UBN2: variants seen among roughly 807,000 people sequenced by gnomAD.
UBN2 encodes ubinuclein 2.
A neutral mutation model predicts 120.2 loss-of-function variants in UBN2; 35 were observed. The observed-to-expected ratio is 0.29, with a 90% CI of 0.22 to 0.39. UBN2 has a LOEUF of 0.39. Among genes scored for constraint, UBN2 ranks in the 10% least tolerant of loss-of-function variants. UBN2 has a pLI of 1.00. For synonymous variants in UBN2, 661 were observed against 648.7 expected, an observed-to-expected ratio of 1.02 and a Z score of -0.29; for missense variants, 1,693 against 1,663.2, an observed-to-expected ratio of 1.02 and a Z score of -0.31.
chr7:139,280,680 C>G (rs1563221108), intron 13 of UBN2, among the ~76,000 whole-genome samples: 1 of 152,184 alleles, frequency 6.6e-6, no homozygotes, highest in African/African-American at 2.4e-5. Context: ...GAGTCTCACT[C>G]TATCACCCAG....
intron 12 of UBN2, 66 bp downstream of exon 12, chr7:139,276,213 T>G: frequency 6.9e-7 from 1 of 1,443,368 alleles, no homozygotes; most frequent in Non-Finnish European, 9.7e-7. Flanking sequence ...AACAAAAGTA[T>G]CATTTATTAA....
At chr7:139,278,791 C>T (rs1388054411) in intron 12 of UBN2, among the ~76,000 whole-genome samples, 1 of 152,100 alleles carries the variant, frequency 6.6e-6, no homozygotes, top group African/African-American at 2.4e-5. Flanking sequence ...AATACTTTGA[C>T]TTACTATGGA....
intron 8 of UBN2, among the ~76,000 whole-genome samples, chr7:139,270,921 T>G (rs923982001): frequency 1.3e-5 from 2 of 152,092 alleles, no homozygotes; most frequent in African/African-American, 4.8e-5. Flanking sequence ...ATTTTGTATT[T>G]TTAGTAGAGA....
intron 15 of UBN2, among the ~76,000 whole-genome samples, chr7:139,292,051 G>A (rs190603093): frequency 6.6e-6 from 1 of 152,206 alleles, no homozygotes; most frequent in East Asian, 1.9e-4. Context: ...AGAAGTTCGA[G>A]CCTAGCCTGG....
intron 1 of UBN2, among the ~76,000 whole-genome samples, chr7:139,234,362 C>T (rs1157154529): frequency 6.6e-6 from 1 of 152,058 alleles, no homozygotes; most frequent in Admixed American, 6.6e-5. Flanking sequence ...TAAATCAGTT[C>T]CCTTCTTAAA....
Position 139,298,986 on chromosome 7 carries a change from C to T in UBN2, c.*1150C>T, listed in dbSNP as rs1053695280. The T allele has an allele frequency of 3.9e-5, 6 of 152,162 alleles. No homozygotes were observed. The East Asian group carries it at 9.6e-4, about 24-fold the overall frequency. The allele number at this position is 152,162 out of a possible 1,614,324, so 9.4% of individuals were successfully genotyped here. The stretch of plus-strand genomic sequence containing the variant: ...TCACAATCACGACATATTTTTACTC[C>T]CTGTATCCAGTGTAGTGAAATTGTT... On this transcript the variant is annotated 3_prime_UTR_variant, in exon 18 of 18. Coordinates refer to ENST00000473989, the MANE Select transcript of UBN2 (RefSeq NM_173569.4).
At chr7:139,330,380 T>C in the UBN2 span, among the ~76,000 whole-genome samples, 1 of 152,252 alleles carries the variant, frequency 6.6e-6, no homozygotes, top group African/African-American at 2.4e-5. Flanking sequence ...CTCCAGATCT[T>C]GTAGAACTGA....
In UBN2 at chr7:139,284,678, C is replaced by T; in HGVS notation, c.3669+104C>T. Reference sequence around the variant, plus strand: ...CTTTTTATGATATGTGGATTGTTCTCAATTGGCTTATTACAGCCTGCAGCC... The same window carrying T: ...CTTTTTATGATATGTGGATTGTTCTTAATTGGCTTATTACAGCCTGCAGCC... On this transcript the variant is annotated intron_variant, in intron 15 of 17. Coordinates refer to ENST00000473989, the MANE Select transcript of UBN2 (RefSeq NM_173569.4). 8.8e-6 allele frequency: 9 copies of T among 1,021,082 alleles called. No individual in the cohort carries two copies. The South Asian group carries it at 1.5e-4, about 18-fold the overall frequency. The allele number at this position is 1,021,082 out of a possible 1,614,324, so 63.3% of individuals were successfully genotyped here.
chr7:139,239,746 A>G (rs1796264906), intron 2 of UBN2, among the ~76,000 whole-genome samples: 1 of 151,956 alleles, frequency 6.6e-6, no homozygotes, highest in South Asian at 2.1e-4. Flanking sequence ...TAGTAGAGAT[A>G]GGGTTTCACC....
intron 3 of UBN2, among the ~76,000 whole-genome samples, chr7:139,252,522 A>AT (rs985977934): frequency 1.3e-5 from 2 of 151,896 alleles, no homozygotes; most frequent in Admixed American, 1.3e-4. Context: ...ATTTCTTTTG[A>AT]TTTTTTTTCC....
At chr7:139,309,942 G>C (rs929822921), downstream of UBN2, among the ~76,000 whole-genome samples, 1 of 152,184 alleles carries the variant, frequency 6.6e-6, no homozygotes, top group Non-Finnish European at 1.5e-5. Flanking sequence ...GGTGGTATCA[G>C]TACTTTTTCT....
intron 6 of UBN2, among the ~76,000 whole-genome samples, chr7:139,265,437 C>T (rs1321372765): frequency 1.3e-5 from 2 of 152,082 alleles, no homozygotes; most frequent in African/African-American, 2.4e-5. Flanking sequence ...GAGATCGCGC[C>T]ACTGCACTCC....
intron 11 of UBN2, among the ~76,000 whole-genome samples, chr7:139,274,963 C>T (rs895692137): frequency 1.3e-5 from 2 of 151,656 alleles, no homozygotes; most frequent in East Asian, 1.9e-4. Context: ...AACAAAGAGT[C>T]GCTCTGTTTA....
rs769687443 is a variant in UBN2, at chr7:139,293,220, G to C, written c.3670-12G>C. ...TATTTCTTATGTATTTTGACCCCTG[G>C]TTTCTGCACAGTCCACAGCAGGAGC... On this transcript the variant is annotated splice_polypyrimidine_tract_variant and intron_variant, in intron 15 of 17. Transcript: ENST00000473989. The C allele has an allele frequency of 5.6e-6, 9 of 1,611,198 alleles. No individual in the cohort carries two copies. Among genetic ancestry groups the C allele is most frequent in the Non-Finnish European group, 7.6e-6 (9 of 1,177,440 alleles).
intron 15 of UBN2, among the ~76,000 whole-genome samples, chr7:139,286,639 A>G (rs1797797086): frequency 6.6e-6 from 1 of 152,146 alleles, no homozygotes; most frequent in South Asian, 2.1e-4. Context: ...TCGTTTTATA[A>G]CCGGCAAAAA....
chr7:139,322,922 C>G, the UBN2 span, among the ~76,000 whole-genome samples: 3 of 152,184 alleles, frequency 2.0e-5, no homozygotes, highest in East Asian at 3.9e-4. Flanking sequence ...TCACACAGGA[C>G]AGAAAGAAGT....
the UBN2 span, among the ~76,000 whole-genome samples, chr7:139,323,709 C>T: frequency 6.6e-6 from 1 of 151,930 alleles, no homozygotes; most frequent in Admixed American, 6.6e-5. Flanking sequence ...CTTGCCTCAG[C>T]CTCCTGAGTA....
chr7:139,232,076 G>C, intron 1 of UBN2, 124 bp downstream of exon 1: 1 of 883,368 alleles, frequency 1.1e-6, no homozygotes, highest in Non-Finnish European at 1.6e-6. Flanking sequence ...GGTGGGGTGC[G>C]GGGGGCCGGG....
rs993563660 is a variant in UBN2 at position 139,299,789 on chromosome 7, A to G, written c.*1953A>G. 1.3e-5 allele frequency: 2 copies of G among 152,038 alleles called. No individual in the cohort carries two copies. Among genetic ancestry groups the G allele is most frequent in the African/African-American group, 4.8e-5 (2 of 41,404 alleles). The allele number at this position is 152,038 out of a possible 1,614,324, so 9.4% of individuals were successfully genotyped here. ...TAAGGAAGCTTGCCCAATTTTTTTA[A>G]TTTTTTCAAATGTAGTGGACCTCTT... is the stretch of plus-strand genomic sequence containing the variant. On this transcript the variant is annotated 3_prime_UTR_variant, in exon 18 of 18. Coordinates refer to ENST00000473989, the MANE Select transcript of UBN2 (RefSeq NM_173569.4).
Sources: allele counts gnomAD v4.1 joint callset (sites outside exome capture counted in the v4.1 genomes callset), GRCh38; gene constraint gnomAD v4.1.1; transcripts MANE v1.5; gene names NCBI Gene and HGNC (gene_info 2026-07-23, HGNC 2026-07-21).